Variants in TRIM24 observed in about 807,000 individuals in gnomAD.
TRIM24 encodes the protein transcription intermediary factor 1-alpha.
A neutral mutation model predicts 123.9 loss-of-function variants in TRIM24; 29 were observed. The observed-to-expected ratio is 0.23, with a 90% CI of 0.17 to 0.32. The LOEUF is 0.32. Ranked by LOEUF, TRIM24 falls within the 10% of genes least tolerant of loss-of-function variation. TRIM24 has a pLI of 1.00. For missense variants in TRIM24, 932 were observed against 1,295.3 expected (o/e 0.72, Z 4.31); for synonymous variants, 456 against 461.1 (o/e 0.99, Z 0.14).
At chr7:138,573,706 A>C in intron 12 of TRIM24, 64 bp downstream of exon 12, 2 of 1,525,980 alleles carry the variant, frequency 1.3e-6, no homozygotes, top group Non-Finnish European at 1.8e-6. Context: ...TTGGAATAAA[A>C]AATTACCCCT....
intron 11 of TRIM24, 96 bp downstream of exon 11, chr7:138,571,099 GCAGACA>G: frequency 7.9e-7 from 1 of 1,265,598 alleles, no homozygotes; most frequent in Non-Finnish European, 1.1e-6. Flanking sequence ...GGAGGCTGAG[GCAGACA>G]GATTACTTGA....
intron 5 of TRIM24, among the ~76,000 whole-genome samples, chr7:138,527,086 G>C (rs75170101): frequency 0.02 from 3,079 of 151,446 alleles, 104 homozygotes; most frequent in African/African-American, 0.07. Context: ...ACTATCATTT[G>C]TTGAAAAAAC....
At chr7:138,576,941 C>A (rs1191598127) in intron 13 of TRIM24, among the ~76,000 whole-genome samples, 3 of 152,168 alleles carry the variant, frequency 2.0e-5, no homozygotes, top group Non-Finnish European at 4.4e-5. Context: ...GAAGAATTGT[C>A]TGAGGGAGAA....
intron 7 of TRIM24, among the ~76,000 whole-genome samples, 192 bp from the exon 8 acceptor site, chr7:138,550,871 A>G (rs1797196281): frequency 6.6e-6 from 1 of 152,238 alleles, no homozygotes; most frequent in Non-Finnish European, 1.5e-5. Flanking sequence ...AATAGGTTAA[A>G]TAGTGCAGCT....
chr7:138,508,690 T>TGG (rs371514737), intron 2 of TRIM24, among the ~76,000 whole-genome samples: 1 of 106,094 alleles, frequency 9.4e-6, no homozygotes, highest in Non-Finnish European at 2.1e-5. Flanking sequence ...TGTGTGTGTG[T>TGG]GTGCGCGCGC....
intron 9 of TRIM24, chr7:138,556,152 C>A (rs931983801): frequency 6.6e-6 from 1 of 152,096 alleles, no homozygotes; most frequent in Non-Finnish European, 1.5e-5. Context: ...CCCTTCAATT[C>A]ATAAAATTTT....
intron 1 of TRIM24, among the ~76,000 whole-genome samples, chr7:138,487,011 T>C (rs555655043): frequency 6.6e-6 from 1 of 152,192 alleles, no homozygotes; most frequent in South Asian, 2.1e-4. Flanking sequence ...TCTTTTATTT[T>C]GTTGAGCAGT....
chr7:138,539,082 C>A (rs1796949638), intron 7 of TRIM24, among the ~76,000 whole-genome samples: 1 of 152,056 alleles, frequency 6.6e-6, no homozygotes, highest in African/African-American at 2.4e-5. Context: ...TGAACATTTT[C>A]TGATTATCTA....
intron 18 of TRIM24, among the ~76,000 whole-genome samples, 199 bp downstream of exon 18, chr7:138,584,198 A>G (rs1797964946): frequency 6.6e-6 from 1 of 152,254 alleles, no homozygotes; most frequent in African/African-American, 2.4e-5. Context: ...GGTGATGGAA[A>G]TGCAAATTAC....
intron 14 of TRIM24, 22 bp from the exon 15 acceptor site, chr7:138,579,178 TTAAA>T: frequency 6.5e-7 from 1 of 1,528,752 alleles, no homozygotes. Context: ...TTAAAGCCAG[TTAAA>T]TATATTTTTT....
At chr7:138,555,400 G>T (rs1797295071) in intron 9 of TRIM24, among the ~76,000 whole-genome samples, 7 of 151,838 alleles carry the variant, frequency 4.6e-5, no homozygotes, top group Admixed American at 4.6e-4. Context: ...GGGCAGAAGT[G>T]TGATTCATTA....
rs962869428 is a variant in TRIM24 at position 138,589,675 on chromosome 7, G to A, written c.*4724G>A. ...ATACCAGCCACTCCCAAAGTAGGAG[G>A]ACCAAAGATGCCATGAAGACTTCTA... On this transcript the variant is annotated 3_prime_UTR_variant, in exon 19 of 19. Coordinates refer to ENST00000343526, the MANE Select transcript of TRIM24 (RefSeq NM_015905.3). 1.3e-5 allele frequency: 2 copies of A among 152,156 alleles called. No homozygotes were observed. Among genetic ancestry groups the A allele is most frequent in the Non-Finnish European group, 2.9e-5 (2 of 68,024 alleles). 9.4% of individuals were successfully genotyped at this position (152,156 alleles called of 1,614,324 possible).
chr7:138,465,478 A>G (rs1309184559), intron 1 of TRIM24, among the ~76,000 whole-genome samples: 1 of 152,242 alleles, frequency 6.6e-6, no homozygotes, highest in East Asian at 1.9e-4. Context: ...TCTCTACCTA[A>G]AAGACAATAT....
At chr7:138,565,138 G>A (rs926068465) in intron 9 of TRIM24, among the ~76,000 whole-genome samples, 6 of 151,956 alleles carry the variant, frequency 3.9e-5, no homozygotes, top group African/African-American at 7.3e-5. Context: ...ATCACTCCCC[G>A]CATTGGTTCC....
chr7:138,567,058 C>T (rs1186453310), intron 9 of TRIM24, among the ~76,000 whole-genome samples: 1 of 152,198 alleles, frequency 6.6e-6, no homozygotes, highest in Non-Finnish European at 1.5e-5. Context: ...CAGTACCTGG[C>T]ATTTAATAAC....
intron 2 of TRIM24, chr7:138,514,952 CA>C: frequency 6.2e-6 from 2 of 323,180 alleles, no homozygotes; most frequent in Non-Finnish European, 1.2e-5. Flanking sequence ...TCACACCTAG[CA>C]TAATGTTTGG....
At chr7:138,570,680 T>C (rs1175034749) in intron 10 of TRIM24, 150 bp from the exon 11 acceptor site, 1 of 549,552 alleles carries the variant, frequency 1.8e-6, no homozygotes, top group Non-Finnish European at 2.9e-6. Flanking sequence ...ATGAAAATTA[T>C]ATATACTTGT....
At chr7:138,480,328 T>C (rs1178102594) in intron 1 of TRIM24, among the ~76,000 whole-genome samples, 1 of 152,194 alleles carries the variant, frequency 6.6e-6, no homozygotes, top group Non-Finnish European at 1.5e-5. Flanking sequence ...CCTAGCTTTG[T>C]CTGTTTTGGG....
intron 12 of TRIM24, among the ~76,000 whole-genome samples, chr7:138,575,404 T>A (rs1236214696): frequency 6.6e-6 from 1 of 151,822 alleles, no homozygotes; most frequent in Admixed American, 6.6e-5. Flanking sequence ...GTGATCCTCC[T>A]GCTTTAGCCT....
Sources: gnomAD v4.1 joint callset for allele counts (sites outside exome capture counted in the v4.1 genomes callset) on GRCh38, gnomAD v4.1.1 for gene constraint, MANE v1.5 for transcripts, NCBI Gene and HGNC (gene_info 2026-07-23, HGNC 2026-07-21) for gene names.